Variants in CDH23 observed in about 807,000 individuals in gnomAD.
CDH23 encodes cadherin-23.
Under a neutral mutation model 317.1 loss-of-function variants are expected in CDH23, and 189 were observed. The observed-to-expected ratio is 0.60, with a 90% CI of 0.53 to 0.67. CDH23 has a LOEUF of 0.67. Among genes scored for constraint, CDH23 ranks in the 30% least tolerant of loss-of-function variants. CDH23 has a pLI of 0.00. For missense variants in CDH23, 4,401 were observed against 4,592.4 expected (o/e 0.96, Z 1.20); for synonymous variants, 1,839 against 1,876.8 (o/e 0.98, Z 0.52).
rs142219398 is a variant in CDH23 at position 71,574,620 on chromosome 10, G to A, written c.754-3294G>A. ...CCGTCATGGAAATGGGGTAGGGGGT[G>A]TCCCGGCTGAGCTTGCTGAGCAGGA... On this transcript the variant is annotated intron_variant, in intron 8 of 69. Coordinates refer to ENST00000224721, the MANE Select transcript of CDH23 (RefSeq NM_022124.6). Among the ~76,000 whole-genome samples the A allele has an allele frequency of 9.8e-5, 15 of 152,288 alleles. No homozygotes were observed. In the East Asian group the frequency reaches 2.1e-3, roughly 22 times the overall value.
At chr10:71,803,815 C>CAAAAAAA (rs59916449) in intron 55 of CDH23, among the ~76,000 whole-genome samples, 2 of 71,086 alleles carry the variant, frequency 2.8e-5, no homozygotes, top group Admixed American at 1.7e-4. Context: ...ACTAAAAATG[C>CAAAAAAA]AAAAAAAAAA....
At chr10:71,445,333 G>A (rs978519342) in intron 2 of CDH23, among the ~76,000 whole-genome samples, 2 of 152,142 alleles carry the variant, frequency 1.3e-5, no homozygotes, top group African/African-American at 4.8e-5. Context: ...TATCATCATC[G>A]TTATTATTCT....
intron 35 of CDH23, among the ~76,000 whole-genome samples, 185 bp downstream of exon 35, chr10:71,738,832 C>A (rs1327446629): frequency 6.6e-6 from 1 of 152,244 alleles, no homozygotes; most frequent in Non-Finnish European, 1.5e-5. Flanking sequence ...CTATGCAGGC[C>A]GGTGGCCCTG....
Position 71,702,219 on chromosome 10 carries a change from C to A in CDH23, c.2587+8C>A, listed in dbSNP as rs1481557354. On this transcript the variant is annotated splice_region_variant and intron_variant, in intron 23 of 69. Coordinates refer to ENST00000224721, the MANE Select transcript of CDH23 (RefSeq NM_022124.6). ...TCGTCTCTGTTACTGACTGTATGGA[C>A]CCCTCTCGCCCCTCACGGCCCCCAC... 6.2e-7 allele frequency: 1 copy of A among 1,610,954 alleles called. No individual in the cohort carries two copies. Among genetic ancestry groups the A allele is most frequent in the Non-Finnish European group, 8.5e-7 (1 of 1,177,884 alleles).
At chr10:71,492,359 C>G (rs1457837423) in intron 3 of CDH23, among the ~76,000 whole-genome samples, 2 of 152,190 alleles carry the variant, frequency 1.3e-5, no homozygotes, top group African/African-American at 4.8e-5. Flanking sequence ...AAGAGGACAT[C>G]TGAGGACTCT....
chr10:71,527,706 T>C (rs1270034482), intron 6 of CDH23, among the ~76,000 whole-genome samples: 1 of 152,230 alleles, frequency 6.6e-6, no homozygotes, highest in African/African-American at 2.4e-5. Context: ...GTATGAATTC[T>C]GACCCTGTGC....
rs769297838 is a variant in CDH23, at chr10:71,645,992, C to T, written c.1290+12C>T. On this transcript the variant is annotated intron_variant, in intron 13 of 69. Coordinates refer to ENST00000224721, the MANE Select transcript of CDH23 (RefSeq NM_022124.6). ...GCTACGACTTTGATGTAAGGCCCCA[C>T]TCACTGGCATTTTGGAGTGGGGTGG... 5 of 1,608,134 alleles carry T rather than the reference C, an allele frequency of 3.1e-6. No homozygotes were observed. The African/African-American group carries it at 4.0e-5, about 13-fold the overall frequency.
At chr10:71,604,847 C>A (rs899002793) in intron 9 of CDH23, among the ~76,000 whole-genome samples, 4 of 152,240 alleles carry the variant, frequency 2.6e-5, no homozygotes, top group Non-Finnish European at 4.4e-5. Flanking sequence ...AGAGACCTCA[C>A]CTTTCCAGTG....
Position 71,524,413 on chromosome 10 carries a change from C to T in CDH23, c.429+13201C>T, listed in dbSNP as rs541541068. Among the ~76,000 whole-genome samples, 9 of 152,284 alleles carry T rather than the reference C, an allele frequency of 5.9e-5. No homozygotes were observed. The South Asian group carries it at 8.3e-4, about 14-fold the overall frequency. On this transcript the variant is annotated intron_variant, in intron 6 of 69. Coordinates refer to ENST00000224721, the MANE Select transcript of CDH23 (RefSeq NM_022124.6). ...CCGTGCTGAAGGTAGCTCAGAAGTG[C>T]GGTTCGAGCTCCCTGCCAGGCCGTG...
intron 9 of CDH23, among the ~76,000 whole-genome samples, chr10:71,606,992 CGTG>C (rs1354224933): frequency 6.6e-6 from 1 of 152,188 alleles, no homozygotes; most frequent in Admixed American, 6.5e-5. Flanking sequence ...ATATGTTGAT[CGTG>C]GGGCTGTTGA....
At chr10:71,701,562 T>A (rs1865585866) in intron 22 of CDH23, among the ~76,000 whole-genome samples, 1 of 151,878 alleles carries the variant, frequency 6.6e-6, no homozygotes, top group Non-Finnish European at 1.5e-5. Context: ...ACCATGTACC[T>A]CCCTTCCAGG....
At position 71,739,421 on chromosome 10, in the gene CDH23, C is replaced by A. The variant is rs74147052; in HGVS notation, c.4360-223C>A. Among the ~76,000 whole-genome samples the A allele has an allele frequency of 0.037, 5,654 of 152,320 alleles. 156 individuals carry two copies. The highest frequency in any genetic ancestry group is 0.085 in the East Asian group (440 of 5,174). ...CTCTTCCAGGCCAGGATACTGATAT[C>A]TCCTAGCCCCGGAACTTTCCATGGG... On this transcript the variant is annotated intron_variant, in intron 35 of 69. Coordinates refer to ENST00000224721, the MANE Select transcript of CDH23 (RefSeq NM_022124.6).
rs876657437 is a variant in CDH23 at position 71,690,475 on chromosome 10, G to A, written c.2067G>A (p.Thr689=). The change falls in exon 20 of 70, where the codon ACG becomes ACA. Residue 689 remains threonine (T), a synonymous_variant. Coordinates refer to ENST00000224721, the MANE Select transcript of CDH23 (RefSeq NM_022124.6). ...ACCTTTTTCCCCCTGAAGGAGCCAC[G>A]GTGCTGTTCCTGAATGCCACAGACC... The part of the protein sequence containing the change: ...SVVENIMAGA[T]VLFLNATDLD... 1.1e-5 allele frequency: 17 copies of A among 1,601,892 alleles called. No individual in the cohort carries two copies. The highest frequency in any genetic ancestry group is 6.8e-5 in the East Asian group (3 of 44,414).
intron 1 of CDH23, among the ~76,000 whole-genome samples, chr10:71,426,682 T>C (rs1849093142): frequency 1.3e-5 from 2 of 152,250 alleles, no homozygotes; most frequent in Admixed American, 1.3e-4. Context: ...CTAGCTTTAT[T>C]TATTTGTTAT....
intron 38 of CDH23, among the ~76,000 whole-genome samples, chr10:71,746,940 A>G (rs1839865442): frequency 6.6e-6 from 1 of 152,142 alleles, no homozygotes; most frequent in Non-Finnish European, 1.5e-5. Flanking sequence ...ATGTCTTTAG[A>G]GCAGAGGCCC....
chr10:71,618,039 C>G (rs904921655), intron 11 of CDH23, among the ~76,000 whole-genome samples: 1 of 152,072 alleles, frequency 6.6e-6, no homozygotes, highest in African/African-American at 2.4e-5. Context: ...TTTCACACAC[C>G]CTGATGGATC....
At chr10:71,683,693 A>T (rs748931997) in intron 18 of CDH23, among the ~76,000 whole-genome samples, 3 of 152,098 alleles carry the variant, frequency 2.0e-5, no homozygotes, top group Admixed American at 6.6e-5. Flanking sequence ...TAGCAAAGGG[A>T]AGGGCAGAGA....
chr10:71,403,331 CTTT>C (rs1554821043), intron 1 of CDH23, among the ~76,000 whole-genome samples: 3,930 of 51,744 alleles, frequency 0.076, 724 homozygotes, highest in African/African-American at 0.14. Context: ...TCCTTCCTTT[CTTT>C]CTTTCTTTCT....
chr10:71,753,193 G>A lies in CDH23; in HGVS notation c.4845+11272G>A, dbSNP rs1840050534. 2.6e-5 allele frequency among the ~76,000 whole-genome samples: 4 copies of A among 152,210 alleles called. No individual in the cohort carries two copies. The South Asian group carries it at 8.3e-4, about 32-fold the overall frequency. On this transcript the variant is annotated intron_variant, in intron 38 of 69. Coordinates refer to ENST00000224721, the MANE Select transcript of CDH23 (RefSeq NM_022124.6). ...ATCTGCGTGTCTGTCCAGCAGATGG[G>A]GCCTCCATGAGGGGCCCATTTTGAC...
Sources: allele counts gnomAD v4.1 joint callset (sites outside exome capture counted in the v4.1 genomes callset), GRCh38; gene constraint gnomAD v4.1.1; transcripts MANE v1.5; gene names NCBI Gene and HGNC (gene_info 2026-07-23, HGNC 2026-07-21).